The following GPC5 variants were observed in gnomAD, a reference collection of about 807,000 sequenced individuals.
The protein encoded by GPC5 is glypican 5, also known as glypican-5.
Under a neutral mutation model 53.9 loss-of-function variants are expected in GPC5, and 47 were observed. The observed-to-expected ratio is 0.87, with a 90% CI of 0.69 to 1.11. The LOEUF is 1.11. GPC5 is among the 50% of genes most tolerant of loss of function. The pLI, the probability that GPC5 is intolerant of heterozygous loss-of-function variation, is 0.00. For synonymous variants in GPC5, 286 were observed against 263.3 expected (o/e 1.09, Z -0.84); for missense variants, 748 against 713.1 (o/e 1.05, Z -0.56).
chr13:92,465,882 G>A (rs1362504401), intron 7 of GPC5, among the ~76,000 whole-genome samples: 1 of 151,756 alleles, frequency 6.6e-6, no homozygotes, highest in Non-Finnish European at 1.5e-5. Context: ...AATACTGCAT[G>A]ATCTCACTTA....
chr13:91,869,799 G>A (rs2039124120), intron 5 of GPC5, among the ~76,000 whole-genome samples: 1 of 152,148 alleles, frequency 6.6e-6, no homozygotes, highest in Non-Finnish European at 1.5e-5. Context: ...AGCGGAAGGT[G>A]AGGGGAAGCA....
In GPC5 at chr13:91,785,044, C is replaced by T. The variant is rs147674842; in HGVS notation, c.1280+28624C>T. On this transcript the variant is annotated intron_variant, in intron 5 of 7. Coordinates refer to ENST00000377067, the MANE Select transcript of GPC5 (RefSeq NM_004466.6). ...CCCCGTTGTTTGGTACAGTTCTTCT[C>T]GTGGCTACACGGATTCCACATTCTC... Among the ~76,000 whole-genome samples, 596 of 152,284 alleles carry T rather than the reference C, an allele frequency of 3.9e-3. 6 individuals carry two copies. Among genetic ancestry groups the T allele is most frequent in the African/African-American group, 0.014 (563 of 41,564 alleles).
At chr13:91,882,378 G>A (rs921586492) in intron 5 of GPC5, among the ~76,000 whole-genome samples, 2 of 151,970 alleles carry the variant, frequency 1.3e-5, no homozygotes, top group African/African-American at 4.8e-5. Context: ...AGCCATAACA[G>A]AGAGACATGC....
rs1321879449 is a variant in GPC5, at chr13:91,827,450, A to C, written c.1280+71030A>C. On this transcript the variant is annotated intron_variant, in intron 5 of 7. Transcript: ENST00000377067. ...GGTAAAGGCTGGCCTAGAATATATA[A>C]AGAGCTCCTACAATTTAATTATTAA... is the stretch of plus-strand genomic sequence containing the variant. Among the ~76,000 whole-genome samples, 5 of 151,880 alleles carry C rather than the reference A, an allele frequency of 3.3e-5. No individual in the cohort carries two copies. The East Asian group carries it at 7.7e-4, about 23-fold the overall frequency.
intron 7 of GPC5, among the ~76,000 whole-genome samples, chr13:92,639,357 A>T (rs1490025750): frequency 6.6e-6 from 1 of 152,342 alleles, no homozygotes; most frequent in African/African-American, 2.4e-5. Flanking sequence ...ATTCCAGCTA[A>T]GCTGTGTTTC....
chr13:91,955,148 T>C (rs929621377), intron 6 of GPC5, among the ~76,000 whole-genome samples: 16 of 152,182 alleles, frequency 1.1e-4, no homozygotes, highest in African/African-American at 3.9e-4. Flanking sequence ...ATATTGTTTA[T>C]TCTCCAAAAA....
chr13:91,684,693 A>G (rs342671), intron 2 of GPC5, among the ~76,000 whole-genome samples: 33,817 of 151,968 alleles, frequency 0.22, 5,005 homozygotes, highest in African/African-American at 0.42. Flanking sequence ...TCTTACACCC[A>G]CCCAGCAGTC....
chr13:91,990,426 G>C (rs1347103462), intron 6 of GPC5, among the ~76,000 whole-genome samples: 5 of 152,094 alleles, frequency 3.3e-5, no homozygotes, highest in African/African-American at 1.2e-4. Flanking sequence ...TGGTATGTAT[G>C]TAAAAATTGC....
chr13:92,692,670 T>G (rs1566366313), intron 7 of GPC5, among the ~76,000 whole-genome samples: 2 of 148,192 alleles, frequency 1.3e-5, no homozygotes. Context: ...CCCTAAAACT[T>G]AAAGTATAAT....
At chr13:92,665,020 A>T (rs1384594146) in intron 7 of GPC5, among the ~76,000 whole-genome samples, 2 of 152,302 alleles carry the variant, frequency 1.3e-5, no homozygotes, top group East Asian at 3.9e-4. Context: ...TACAAAAAAA[A>T]CAGTAGAAAT....
chr13:92,730,021 A>G lies in GPC5; in HGVS notation c.1562-136261A>G, dbSNP rs1888756455. Reference sequence around the variant, plus strand: ...TCTAAGGACAAGGAAATAGAAATATAAACGAATTATAGCCACTTTAGTGTT... The same window carrying G: ...TCTAAGGACAAGGAAATAGAAATATGAACGAATTATAGCCACTTTAGTGTT... On this transcript the variant is annotated intron_variant, in intron 7 of 7. Transcript: ENST00000377067. Among the ~76,000 whole-genome samples the G allele has an allele frequency of 2.0e-5, 3 of 151,554 alleles. No individual in the cohort carries two copies. In the South Asian group the frequency reaches 6.2e-4, roughly 31 times the overall value.
At chr13:92,445,318 ATT>A (rs1877763741) in intron 7 of GPC5, among the ~76,000 whole-genome samples, 17 of 89,604 alleles carry the variant, frequency 1.9e-4, no homozygotes, top group African/African-American at 7.7e-4. Flanking sequence ...ATTTTATTTT[ATT>A]TTATTTTATT....
chr13:92,534,921 T>C (rs1881675303), intron 7 of GPC5, among the ~76,000 whole-genome samples: 1 of 152,054 alleles, frequency 6.6e-6, no homozygotes, highest in South Asian at 2.1e-4. Flanking sequence ...GCCATATTAG[T>C]TTTCAGTTGT....
At chr13:91,400,214 G>A (rs1876831235) in intron 1 of GPC5, among the ~76,000 whole-genome samples, 1 of 152,184 alleles carries the variant, frequency 6.6e-6, no homozygotes, top group East Asian at 1.9e-4. Context: ...TGTGGAGGAC[G>A]CTTAAGTCTA....
chr13:91,974,473 T>C lies in GPC5; in HGVS notation c.1401+66416T>C, dbSNP rs563695704. Among the ~76,000 whole-genome samples the C allele has an allele frequency of 2.4e-4, 37 of 151,562 alleles. No homozygotes were observed. In the South Asian group the frequency reaches 6.9e-3, roughly 28 times the overall value. Reference sequence around the variant, plus strand: ...AATCACAAGCATTCTTAGACACCAATAACAGACAAACAGAAAGCCAAATCA... The same window carrying C: ...AATCACAAGCATTCTTAGACACCAACAACAGACAAACAGAAAGCCAAATCA... On this transcript the variant is annotated intron_variant, in intron 6 of 7. Transcript: ENST00000377067.
intron 6 of GPC5, among the ~76,000 whole-genome samples, chr13:92,056,569 G>A (rs191431923): frequency 3.7e-4 from 57 of 152,224 alleles, no homozygotes; most frequent in African/African-American, 1.3e-3. Flanking sequence ...AAAATATTCT[G>A]TACCAAGGGT....
At chr13:91,833,353 C>T (rs373779030) in intron 5 of GPC5, among the ~76,000 whole-genome samples, 2 of 152,180 alleles carry the variant, frequency 1.3e-5, no homozygotes, top group East Asian at 1.9e-4. Context: ...GAAACTATTG[C>T]AAACAATAGA....
chr13:91,520,619 A>G (rs542513460), intron 2 of GPC5, among the ~76,000 whole-genome samples: 1 of 152,118 alleles, frequency 6.6e-6, no homozygotes, highest in African/African-American at 2.4e-5. Context: ...CTAGAATCCC[A>G]TAAGATAATT....
At chr13:92,661,691 T>C (rs998722321) in intron 7 of GPC5, among the ~76,000 whole-genome samples, 1 of 152,224 alleles carries the variant, frequency 6.6e-6, no homozygotes, top group Non-Finnish European at 1.5e-5. Flanking sequence ...GCTGATTTCT[T>C]AGGATTGTTG....
Sources: allele counts gnomAD v4.1 joint callset (sites outside exome capture counted in the v4.1 genomes callset), GRCh38; gene constraint gnomAD v4.1.1; transcripts MANE v1.5; gene names NCBI Gene and HGNC (gene_info 2026-07-23, HGNC 2026-07-21).